VTI1A: variants seen among roughly 807,000 people sequenced by gnomAD.
VTI1A encodes the protein vesicle transport through interaction with t-SNAREs homolog 1A.
A neutral mutation model predicts 34.9 loss-of-function variants in VTI1A; 22 were observed. The ratio of observed to expected loss-of-function variants is 0.63; its 90% CI spans 0.45 to 0.90. The LOEUF (loss-of-function observed/expected upper bound fraction) is 0.90. VTI1A is among the 40% of genes least tolerant of loss of function. VTI1A has a pLI of 0.00. For synonymous variants in VTI1A, 87 were observed against 97.3 expected, an observed-to-expected ratio of 0.89 and a Z score of 0.62; for missense variants, 268 against 275.6, an observed-to-expected ratio of 0.97 and a Z score of 0.20.
intron 7 of VTI1A, among the ~76,000 whole-genome samples, chr10:112,717,617 C>G (rs1413560972): frequency 1.3e-5 from 2 of 152,176 alleles, no homozygotes; most frequent in Non-Finnish European, 2.9e-5. Flanking sequence ...CAGCCTCAGA[C>G]TTGGCAGCCC....
At chr10:112,537,896 G>C (rs570123705) in intron 4 of VTI1A, among the ~76,000 whole-genome samples, 1 of 152,252 alleles carries the variant, frequency 6.6e-6, no homozygotes, top group African/African-American at 2.4e-5. Context: ...TACAAATAGG[G>C]AACGTAGATC....
At chr10:112,683,815 G>A (rs1253121531) in intron 7 of VTI1A, among the ~76,000 whole-genome samples, 2 of 152,150 alleles carry the variant, frequency 1.3e-5, no homozygotes, top group Non-Finnish European at 2.9e-5. Flanking sequence ...GGCCGAGGTG[G>A]GCAGATCACC....
At chr10:112,604,561 A>G (rs1367307839) in intron 5 of VTI1A, among the ~76,000 whole-genome samples, 1 of 152,208 alleles carries the variant, frequency 6.6e-6, no homozygotes, top group African/African-American at 2.4e-5. Flanking sequence ...AAACTCTTAT[A>G]CACTCATAAA....
rs543118002 is a variant in VTI1A at position 112,460,185 on chromosome 10, G to T, written c.95-339G>T. Among the ~76,000 whole-genome samples, 3 of 152,252 alleles carry T rather than the reference G, an allele frequency of 2.0e-5. No homozygotes were observed. The South Asian group carries it at 6.2e-4, about 32-fold the overall frequency. The stretch of plus-strand genomic sequence containing the variant: ...AATCAGTTATTCCCAATTTATTAAA[G>T]TTATGACTTCACAGATTCCTTAGGC... On this transcript the variant is annotated intron_variant, in intron 1 of 7. Transcript: ENST00000393077.
intron 5 of VTI1A, among the ~76,000 whole-genome samples, chr10:112,619,065 T>TTG (rs1398237740): frequency 8.0e-5 from 12 of 149,844 alleles, no homozygotes; most frequent in Non-Finnish European, 1.8e-4. Context: ...TAAACACAGT[T>TTG]TTTTTTTTTT....
chr10:112,472,516 A>G (rs549432730), intron 3 of VTI1A, among the ~76,000 whole-genome samples: 1 of 152,038 alleles, frequency 6.6e-6, no homozygotes, highest in African/African-American at 2.4e-5. Flanking sequence ...TTTATGAGTA[A>G]AGCCAGTACC....
chr10:112,670,002 T>C (rs929203385), intron 7 of VTI1A, among the ~76,000 whole-genome samples: 9 of 152,182 alleles, frequency 5.9e-5, no homozygotes, highest in African/African-American at 2.2e-4. Context: ...TAGTATAATG[T>C]GACATTTCCC....
At chr10:112,772,604 C>G (rs1564919770) in intron 7 of VTI1A, among the ~76,000 whole-genome samples, 1 of 152,170 alleles carries the variant, frequency 6.6e-6, no homozygotes, top group African/African-American at 2.4e-5. Context: ...ATCTAAGAGT[C>G]TATTGTTAAA....
chr10:112,627,242 AG>A (rs1295492963), intron 5 of VTI1A, among the ~76,000 whole-genome samples: 2 of 152,200 alleles, frequency 1.3e-5, no homozygotes, highest in Non-Finnish European at 2.9e-5. Context: ...GTGCATGCAT[AG>A]TTGAGAATGA....
intron 7 of VTI1A, among the ~76,000 whole-genome samples, chr10:112,681,339 C>T (rs575028290): frequency 2.0e-5 from 3 of 152,106 alleles, no homozygotes; most frequent in Non-Finnish European, 2.9e-5. Context: ...CCTCAGCCCC[C>T]CAAAGTGCTG....
intron 5 of VTI1A, among the ~76,000 whole-genome samples, chr10:112,569,482 C>T (rs941024385): frequency 3.3e-5 from 5 of 152,138 alleles, no homozygotes; most frequent in African/African-American, 1.2e-4. Flanking sequence ...GTCTAGAAAA[C>T]AGAACTGAAA....
chr10:112,483,844 T>C (rs1243663442), intron 3 of VTI1A, among the ~76,000 whole-genome samples: 1 of 152,194 alleles, frequency 6.6e-6, no homozygotes, highest in Admixed American at 6.5e-5. Context: ...GATATCATGT[T>C]GTATATCATT....
intron 5 of VTI1A, among the ~76,000 whole-genome samples, chr10:112,636,314 A>G (rs746532212): frequency 7.9e-5 from 12 of 152,250 alleles, no homozygotes; most frequent in Non-Finnish European, 1.6e-4. Flanking sequence ...ATAAAGGTAT[A>G]CAATTGCAAT....
At chr10:112,625,885 T>TA (rs1374003060) in intron 5 of VTI1A, among the ~76,000 whole-genome samples, 1 of 151,858 alleles carries the variant, frequency 6.6e-6, no homozygotes, top group African/African-American at 2.4e-5. Flanking sequence ...ACTACAGAAA[T>TA]AAAAAATTAA....
At chr10:112,792,902 G>A (rs1003365056) in intron 7 of VTI1A, among the ~76,000 whole-genome samples, 3 of 152,218 alleles carry the variant, frequency 2.0e-5, no homozygotes, top group African/African-American at 7.2e-5. Flanking sequence ...TCAAAATGCT[G>A]ATCAGATTAT....
At chr10:112,809,130 A>C (rs987271584) in intron 7 of VTI1A, among the ~76,000 whole-genome samples, 3 of 152,202 alleles carry the variant, frequency 2.0e-5, no homozygotes, top group African/African-American at 7.2e-5. Context: ...ACTCCTAGAG[A>C]TGCAGGACAT....
intron 3 of VTI1A, among the ~76,000 whole-genome samples, chr10:112,505,411 A>G (rs1018972172): frequency 1.3e-5 from 2 of 152,174 alleles, no homozygotes; most frequent in Admixed American, 1.3e-4. Context: ...GAGATATACA[A>G]TTATATCATC....
intron 3 of VTI1A, among the ~76,000 whole-genome samples, chr10:112,498,363 A>T (rs1378236214): frequency 1.3e-5 from 2 of 152,180 alleles, no homozygotes; most frequent in African/African-American, 2.4e-5. Context: ...TGACAGCATT[A>T]AAGTTGGTTT....
At chr10:112,703,386 G>A (rs1165500669) in intron 7 of VTI1A, among the ~76,000 whole-genome samples, 1 of 152,068 alleles carries the variant, frequency 6.6e-6, no homozygotes, top group Non-Finnish European at 1.5e-5. Flanking sequence ...TGACCAACAT[G>A]GAGAAACCCC....
Sources: allele counts gnomAD v4.1 joint callset (sites outside exome capture counted in the v4.1 genomes callset), GRCh38; gene constraint gnomAD v4.1.1; transcripts MANE v1.5; gene names NCBI Gene and HGNC (gene_info 2026-07-23, HGNC 2026-07-21).